The following HPSE2 variants were observed in gnomAD, a reference collection of about 807,000 sequenced individuals.
The protein encoded by HPSE2 is heparanase 2 (inactive), also known as inactive heparanase-2.
A neutral mutation model predicts 60.5 loss-of-function variants in HPSE2; 38 were observed. The observed-to-expected ratio is 0.63, with a 90% CI of 0.48 to 0.82. HPSE2 has a LOEUF of 0.82. HPSE2 is among the 40% of genes least tolerant of loss of function. The pLI is 0.00. For missense variants in HPSE2, 713 were observed against 740.4 expected, an observed-to-expected ratio of 0.96 and a Z score of 0.43; for synonymous variants, 295 against 293.2, an observed-to-expected ratio of 1.01 and a Z score of -0.06.
intron 3 of HPSE2, among the ~76,000 whole-genome samples, chr10:98,780,768 A>C (rs912318715): frequency 6.6e-6 from 1 of 152,134 alleles, no homozygotes. Context: ...ACAGAGCAAA[A>C]CTTCTGAGAA....
chr10:99,001,040 TA>T (rs1296147721), intron 3 of HPSE2, among the ~76,000 whole-genome samples: 2 of 152,116 alleles, frequency 1.3e-5, no homozygotes, highest in African/African-American at 2.4e-5. Context: ...TTTGAATTTA[TA>T]AAACTAATGT....
At chr10:98,829,688 T>TC (rs1555010275) in intron 3 of HPSE2, among the ~76,000 whole-genome samples, 1 of 152,000 alleles carries the variant, frequency 6.6e-6, no homozygotes, top group Non-Finnish European at 1.5e-5. Context: ...AATTTAAACT[T>TC]CCCCCCAAAA....
chr10:98,777,959 G>A (rs1482722728), intron 3 of HPSE2, among the ~76,000 whole-genome samples: 10 of 151,948 alleles, frequency 6.6e-5, no homozygotes, highest in African/African-American at 2.2e-4. Context: ...ACAGCAACAC[G>A]CAAGACCAAC....
At chr10:98,924,919 G>T (rs541702420) in intron 3 of HPSE2, among the ~76,000 whole-genome samples, 1 of 152,318 alleles carries the variant, frequency 6.6e-6, no homozygotes, top group South Asian at 2.1e-4. Flanking sequence ...CCCCCCTCTG[G>T]CTAGGGCTGG....
rs866783010 is a variant in HPSE2 at position 98,609,237 on chromosome 10, T to C, written c.1320+5667A>G. ...ATACACTATAGGGCTTCTGTTACAG[T>C]CCCTGCTAACTTGTCTATCTCCCTA... is the stretch of plus-strand genomic sequence containing the variant. On this transcript the variant is annotated intron_variant, in intron 9 of 11. Coordinates refer to ENST00000370552, the MANE Select transcript of HPSE2 (RefSeq NM_021828.5). 1.0e-3 allele frequency among the ~76,000 whole-genome samples: 152 copies of C among 152,288 alleles called. No individual in the cohort carries two copies. The Middle Eastern group carries it at 0.017, about 17-fold the overall frequency.
chr10:98,921,200 G>T (rs1285280189), intron 3 of HPSE2, among the ~76,000 whole-genome samples: 1 of 152,106 alleles, frequency 6.6e-6, no homozygotes, highest in Admixed American at 6.6e-5. Flanking sequence ...ATGGGCCAAG[G>T]CAGATGAAGC....
intron 3 of HPSE2, among the ~76,000 whole-genome samples, chr10:99,045,282 A>G (rs1203228780): frequency 6.6e-6 from 1 of 152,214 alleles, no homozygotes; most frequent in Non-Finnish European, 1.5e-5. Flanking sequence ...AAATTAAGGC[A>G]GAGATTAAAA....
chr10:99,167,460 G>A (rs1348475252), intron 2 of HPSE2, among the ~76,000 whole-genome samples: 1 of 152,206 alleles, frequency 6.6e-6, no homozygotes, highest in Non-Finnish European at 1.5e-5. Context: ...GAGGAATGTA[G>A]CAAGGTTTAT....
chr10:99,140,415 A>G (rs1845826503), intron 3 of HPSE2, among the ~76,000 whole-genome samples: 1 of 152,238 alleles, frequency 6.6e-6, no homozygotes, highest in African/African-American at 2.4e-5. Flanking sequence ...GTCTGGATAC[A>G]GACAGTTGAC....
At chr10:98,891,913 C>T (rs563265540) in intron 3 of HPSE2, among the ~76,000 whole-genome samples, 6 of 151,906 alleles carry the variant, frequency 3.9e-5, no homozygotes, top group Non-Finnish European at 7.4e-5. Context: ...TGGGAATACA[C>T]ACGTGTGCCA....
chr10:99,241,383 T>C, the HPSE2 span, among the ~76,000 whole-genome samples: 1 of 152,358 alleles, frequency 6.6e-6, no homozygotes, highest in South Asian at 2.1e-4. Flanking sequence ...CTCAGCTGCC[T>C]TATCTGTCAA....
chr10:99,304,509 C>A, the HPSE2 span, among the ~76,000 whole-genome samples: 43 of 152,192 alleles, frequency 2.8e-4, no homozygotes, highest in Admixed American at 5.2e-4. Flanking sequence ...CTGGGCAAAG[C>A]CAAGAACGCT....
intron 2 of HPSE2, among the ~76,000 whole-genome samples, chr10:99,149,840 GA>G (rs1052268562): frequency 2.0e-5 from 3 of 149,606 alleles, no homozygotes; most frequent in Non-Finnish European, 4.4e-5. Flanking sequence ...AACTCTAAAC[GA>G]AAAATTAAAA....
rs967760296 is a variant in HPSE2, at chr10:98,943,486, C to T, written c.611-199430G>A. Among the ~76,000 whole-genome samples, 10 of 152,194 alleles carry T rather than the reference C, an allele frequency of 6.6e-5. No homozygotes were observed. In the East Asian group the frequency reaches 1.9e-3, roughly 29 times the overall value. On this transcript the variant is annotated intron_variant, in intron 3 of 11. Transcript: ENST00000370552. ...CCAAGACAGGCCCTAATGATCCCCA[C>T]CCCTTCGTATTCATAGCCCTGTGTA...
chr10:98,608,393 C>T (rs1487630288), intron 9 of HPSE2, among the ~76,000 whole-genome samples: 3 of 152,152 alleles, frequency 2.0e-5, no homozygotes, highest in South Asian at 2.1e-4. Flanking sequence ...GTGTTGTTGC[C>T]GACATCCTGT....
chr10:98,734,937 CCATT>C (rs1035389100), intron 4 of HPSE2, among the ~76,000 whole-genome samples: 2 of 129,188 alleles, frequency 1.5e-5, no homozygotes, highest in East Asian at 2.2e-4. Flanking sequence ...ACACAATTTC[CCATT>C]ATTATCTTGC....
At chr10:99,063,029 G>A (rs1024563594) in intron 3 of HPSE2, among the ~76,000 whole-genome samples, 1 of 152,106 alleles carries the variant, frequency 6.6e-6, no homozygotes, top group Admixed American at 6.6e-5. Context: ...TCTAGTGTGA[G>A]CCTAGATGTG....
chr10:98,852,430 C>A (rs1191961891), intron 3 of HPSE2, among the ~76,000 whole-genome samples: 2 of 152,152 alleles, frequency 1.3e-5, no homozygotes, highest in African/African-American at 2.4e-5. Flanking sequence ...CTATGCTTCT[C>A]TTTAACTCCT....
At chr10:98,768,353 G>GT (rs1343206202) in intron 3 of HPSE2, among the ~76,000 whole-genome samples, 3 of 152,158 alleles carry the variant, frequency 2.0e-5, no homozygotes. Context: ...TGGGATAGGT[G>GT]GTGGTAGGAG....
Sources: allele counts gnomAD v4.1 joint callset (sites outside exome capture counted in the v4.1 genomes callset), GRCh38; gene constraint gnomAD v4.1.1; transcripts MANE v1.5; gene names NCBI Gene and HGNC (gene_info 2026-07-23, HGNC 2026-07-21).